Variants in CIITA observed in about 807,000 individuals in gnomAD.
The protein encoded by CIITA is MHC class II transactivator.
In CIITA, 72 loss-of-function variants were observed where a neutral mutation model predicts 115.1. The ratio of observed to expected loss-of-function variants is 0.63; its 90% CI spans 0.52 to 0.76. The LOEUF is 0.76. CIITA is among the 30% of genes least tolerant of loss of function. The pLI is 0.00. For missense variants in CIITA, 1,617 were observed against 1,463.8 expected, an observed-to-expected ratio of 1.10 and a Z score of -1.71; for synonymous variants, 763 against 635.6, an observed-to-expected ratio of 1.20 and a Z score of -3.02.
chr16:10,929,773 C>T lies in CIITA; in HGVS notation c.*5918C>T, dbSNP rs2145296837. ...ATAAAACTCTTTTTAATGAATTTGC[C>T]TAATTTCTCAGAGACCCTGGGCTGG... On this transcript the variant is annotated 3_prime_UTR_variant, in exon 20 of 20. Coordinates refer to ENST00000324288, the MANE Select transcript of CIITA (RefSeq NM_000246.4). The surrounding 1 kb of genome is among the most constrained non-coding windows in gnomAD (Gnocchi z 4.3). 1 of 161,752 alleles carries T rather than the reference C, an allele frequency of 6.2e-6. No homozygotes were observed. Among genetic ancestry groups the T allele is most frequent in the Admixed American group, 6.5e-5 (1 of 15,314 alleles). The allele number at this position is 161,752 out of a possible 1,614,324, so 10.0% of individuals were successfully genotyped here.
chr16:10,938,700 G>C (rs1297895061), downstream of CIITA: 2 of 152,166 alleles, frequency 1.3e-5, no homozygotes, highest in Admixed American at 6.5e-5. This position sits in a 1 kb window ranked among gnomAD's most constrained non-coding sequence, Gnocchi z 4.9. Flanking sequence ...GCTTGGATTT[G>C]AGGGTGGGGA....
In CIITA at chr16:10,895,311, G is replaced by A. The variant is rs1477823503; in HGVS notation, c.82G>A (p.Gly28Arg). Residue 28 changes from glycine (G) to arginine (R), a missense_variant, in exon 2 of 20, where the codon GGG becomes AGG. Coordinates refer to ENST00000324288, the MANE Select transcript of CIITA (RefSeq NM_000246.4). Reference sequence around the variant, plus strand: ...CTCACAGTGTGCCACCATGGAGTTGGGGCCCCTAGAAGGTGGCTACCTGGA... The same window carrying A: ...CTCACAGTGTGCCACCATGGAGTTGAGGCCCCTAGAAGGTGGCTACCTGGA... ...GSSQCATMEL[G>R]PLEGGYLELL... The A allele has an allele frequency of 1.2e-6, 2 of 1,613,988 alleles. No individual in the cohort carries two copies. The highest frequency in any genetic ancestry group is 1.7e-5 in the Admixed American group (1 of 60,006).
upstream of CIITA, among the ~76,000 whole-genome samples, chr16:10,873,649 A>G (rs1055266037): frequency 1.5e-4 from 23 of 152,182 alleles, no homozygotes; most frequent in African/African-American, 5.3e-4. Context: ...AGACTGCAGC[A>G]AGGACCGGCA....
Position 10,902,197 on chromosome 16 carries a change from G to C in CIITA, c.628+13G>C, listed in dbSNP as rs1895769428. ...GACCAGATTCCCAGTATGTTAGGGG[G>C]CTTGGAGAGAGTGGGCTTTCTCCCT... On this transcript the variant is annotated intron_variant, in intron 7 of 19. Transcript: ENST00000324288. 2 of 1,614,028 alleles carry C rather than the reference G, an allele frequency of 1.2e-6. No homozygotes were observed. Among genetic ancestry groups the C allele is most frequent in the Non-Finnish European group, 1.7e-6 (2 of 1,179,994 alleles).
At chr16:10,874,975 T>C (rs1191838061), upstream of CIITA, among the ~76,000 whole-genome samples, 1 of 152,078 alleles carries the variant, frequency 6.6e-6, no homozygotes, top group East Asian at 1.9e-4. Context: ...TTTCTTTTTT[T>C]TTCTTTTTTT....
chr16:10,931,296 GA>G lies in CIITA; in HGVS notation c.*7442del, dbSNP rs910487748. The G allele has an allele frequency of 4.6e-5, 7 of 152,826 alleles. No homozygotes were observed. Among genetic ancestry groups the G allele is most frequent in the Non-Finnish European group, 1.0e-4 (7 of 68,558 alleles). 9.5% of individuals were successfully genotyped at this position (152,826 alleles called of 1,614,324 possible). A position where few individuals can be genotyped will look rare whatever the true frequency, so the allele number is the denominator to read the frequency against. On this transcript the variant is annotated 3_prime_UTR_variant, in exon 20 of 20. Coordinates refer to ENST00000324288, the MANE Select transcript of CIITA (RefSeq NM_000246.4). ...CCCTGCACCCAGCCTGGGTGACAGA[GA>G]CCCTGTCTCAAAAAAAAGAGAAGAT...
Position 10,932,354 on chromosome 16 carries a change from C to A in CIITA, c.*8499C>A, listed in dbSNP as rs1380749355. 3.9e-5 allele frequency: 6 copies of A among 152,238 alleles called. No homozygotes were observed. Among genetic ancestry groups the A allele is most frequent in the African/African-American group, 1.4e-4 (6 of 41,456 alleles). The allele number at this position is 152,238 out of a possible 1,614,324, so 9.4% of individuals were successfully genotyped here. On this transcript the variant is annotated 3_prime_UTR_variant, in exon 20 of 20. Coordinates refer to ENST00000324288, the MANE Select transcript of CIITA (RefSeq NM_000246.4). ...CTCATGTCTTAACTCACTTATCCCT[C>A]AAAAACAACTCTAGGAGGTAGGGCC...
chr16:10,892,720 G>C (rs1472350392), intron 1 of CIITA, among the ~76,000 whole-genome samples: 1 of 152,212 alleles, frequency 6.6e-6, no homozygotes, highest in Non-Finnish European at 1.5e-5. Flanking sequence ...ATCACCTGAG[G>C]TCAGGAGTTC....
chr16:10,913,052 A>C (rs1481332873), intron 13 of CIITA, among the ~76,000 whole-genome samples: 1 of 151,602 alleles, frequency 6.6e-6, no homozygotes, highest in Non-Finnish European at 1.5e-5. Context: ...TATCTCCTAC[A>C]CTCGCTGGGT....
rs1156387945 is a variant in CIITA at position 10,928,009 on chromosome 16, C to T, written c.*4154C>T. On this transcript the variant is annotated 3_prime_UTR_variant, in exon 20 of 20. Transcript: ENST00000324288. ...GGCCTCTCTCTGCATACAAATGTCT[C>T]CCTCCTGACGCTCACCTTTTTCCCT... 1 of 152,238 alleles carries T rather than the reference C, an allele frequency of 6.6e-6. No individual in the cohort carries two copies. The highest frequency in any genetic ancestry group is 2.4e-5 in the African/African-American group (1 of 41,450). 9.4% of individuals were successfully genotyped at this position (152,238 alleles called of 1,614,324 possible).
chr16:10,898,391 A>G (rs2038354325), intron 3 of CIITA, among the ~76,000 whole-genome samples: 1 of 152,130 alleles, frequency 6.6e-6, no homozygotes, highest in South Asian at 2.1e-4. Flanking sequence ...TAGAGGTGGA[A>G]TTTGAACTCA....
In CIITA at chr16:10,901,593, T is replaced by G; in HGVS notation, c.481+35T>G. ...GCAGGTGGGCTGGGGTTGGGAAGGG[T>G]GGATGCCTTGGGGAGGGGATGGAAG... On this transcript the variant is annotated intron_variant, in intron 6 of 19. Transcript: ENST00000324288. This position sits in a 1 kb window ranked among gnomAD's most constrained non-coding sequence, Gnocchi z 6.8. 1 of 1,607,250 alleles carries G rather than the reference T, an allele frequency of 6.2e-7. No individual in the cohort carries two copies.
At position 10,934,450 on chromosome 16, in the gene CIITA, G is replaced by A. The variant is rs900718179; in HGVS notation, c.*10595G>A. 55 of 152,346 alleles carry A rather than the reference G, an allele frequency of 3.6e-4. No individual in the cohort carries two copies. Among genetic ancestry groups the A allele is most frequent in the African/African-American group, 1.2e-3 (50 of 41,542 alleles). The allele number at this position is 152,346 out of a possible 1,614,324, so 9.4% of individuals were successfully genotyped here. A position where few individuals can be genotyped will look rare whatever the true frequency, so the allele number is the denominator to read the frequency against. On this transcript the variant is annotated 3_prime_UTR_variant, in exon 20 of 20. Transcript: ENST00000324288. The surrounding 1 kb of genome is among the most constrained non-coding windows in gnomAD (Gnocchi z 4.2). The stretch of plus-strand genomic sequence containing the variant: ...AAAAGGGCAAAGCAGTAGGTGCTCA[G>A]GGGGTGTCGGGGCCCTGAGAGCTGA...
downstream of CIITA, chr16:10,940,428 G>A (rs1303879944): frequency 6.6e-6 from 1 of 152,256 alleles, no homozygotes; most frequent in African/African-American, 2.4e-5. This position sits in a 1 kb window ranked among gnomAD's most constrained non-coding sequence, Gnocchi z 4.2. Context: ...GGAGAGGGGT[G>A]GACTCAGCCT....
chr16:10,898,280 A>G (rs997860884), intron 3 of CIITA, among the ~76,000 whole-genome samples: 2 of 152,068 alleles, frequency 1.3e-5, no homozygotes, highest in African/African-American at 4.8e-5. Context: ...ATTCCTGGGT[A>G]GTAGGCATTA....
In CIITA at chr16:10,941,786, A is replaced by G. The variant is rs2041106008; in HGVS notation, n.912A>G. 6.2e-7 allele frequency: 1 copy of G among 1,613,600 alleles called. No homozygotes were observed. Among genetic ancestry groups the G allele is most frequent in the African/African-American group, 1.3e-5 (1 of 74,930 alleles). On this transcript the variant is annotated non_coding_transcript_exon_variant, in exon 2 of 2. Transcript: ENST00000573379. The surrounding 1 kb of genome is among the most constrained non-coding windows in gnomAD (Gnocchi z 6.4). ...TCGTAAAGGCCCGAGCCGGGGTCGG[A>G]GAGCACGCCGAGGTCCACGAGCGCC...
At chr16:10,913,396 C>G (rs1212784145) in intron 13 of CIITA, 4 of 161,226 alleles carry the variant, frequency 2.5e-5, no homozygotes, top group African/African-American at 9.6e-5. Flanking sequence ...CTCACTGCAA[C>G]CTCCTCCTCC....
chr16:10,902,532 A>G, intron 7 of CIITA, 126 bp from the exon 8 acceptor site: 1 of 1,190,232 alleles, frequency 8.4e-7, no homozygotes, highest in Non-Finnish European at 1.2e-6. Context: ...CAGGACAGAA[A>G]CAGCTACTGC....
chr16:10,911,770 C>G (rs1253995313), intron 13 of CIITA, among the ~76,000 whole-genome samples: 1 of 151,822 alleles, frequency 6.6e-6, no homozygotes, highest in African/African-American at 2.4e-5. Flanking sequence ...AGTCTGGTCT[C>G]GAGCTCCTGG....
Sources: gnomAD v4.1 joint callset for allele counts (sites outside exome capture counted in the v4.1 genomes callset) on GRCh38, gnomAD v4.1.1 for gene constraint, Gnocchi (gnomAD v3.1) non-coding constraint, MANE v1.5 for transcripts, NCBI Gene and HGNC (gene_info 2026-07-23, HGNC 2026-07-21) for gene names.